BMP3: variants seen among roughly 807,000 people sequenced by gnomAD.
BMP3 encodes the protein bone morphogenetic protein 3, also known as bone morphogenetic protein 3 (osteogenic).
In BMP3, 23 loss-of-function variants were observed where a neutral mutation model predicts 38.1. The observed-to-expected ratio is 0.60, with a 90% confidence interval of 0.43 to 0.86. The LOEUF is 0.86. BMP3 is among the 40% of genes least tolerant of loss of function. BMP3 has a pLI of 0.00. For synonymous variants in BMP3, 258 were observed against 225.7 expected (o/e 1.14, Z -1.28); for missense variants, 628 against 579.6 (o/e 1.08, Z -0.86).
At position 81,046,442 on chromosome 4, in the gene BMP3, G is replaced by C; in HGVS notation, c.1021G>C (p.Gly341Arg). The part of the protein sequence containing the change: ...KSKNKKKQRK[G>R]PHRKSQTLQF... ...TAAGAATAAAAAGAAACAGAGAAAG[G>C]GGCCTCATCGGAAGAGCCAGACGCT... is the stretch of plus-strand genomic sequence containing the variant. Residue 341 changes from glycine (G) to arginine (R), a missense_variant, in exon 2 of 3, where the codon GGG (glycine) becomes CGG (arginine). Gly to Arg is a moderately radical substitution (Grantham distance 125, BLOSUM62 -2). Coordinates refer to ENST00000282701, the MANE Select transcript of BMP3 (RefSeq NM_001201.5). The C allele has an allele frequency of 6.2e-7, 1 of 1,613,840 alleles. No homozygotes were observed. The highest frequency in any genetic ancestry group is 8.5e-7 in the Non-Finnish European group (1 of 1,179,954).
chr4:81,052,667 C>G (rs1181297963), intron 2 of BMP3, among the ~76,000 whole-genome samples: 1 of 152,066 alleles, frequency 6.6e-6, no homozygotes, highest in Non-Finnish European at 1.5e-5. Context: ...CCCCAGTGGC[C>G]AATGGTGTGG....
At chr4:81,043,474 AT>A (rs1352412299) in intron 1 of BMP3, among the ~76,000 whole-genome samples, 6 of 151,742 alleles carry the variant, frequency 4.0e-5, no homozygotes, top group Non-Finnish European at 8.8e-5. Flanking sequence ...CCACAACAGC[AT>A]TCTTTTTTTT....
chr4:81,047,453 C>G (rs574160976), intron 2 of BMP3, among the ~76,000 whole-genome samples: 1 of 152,000 alleles, frequency 6.6e-6, no homozygotes, highest in African/African-American at 2.4e-5. Flanking sequence ...AAGTAGTACC[C>G]TCTATAGTAA....
At chr4:81,045,633 T>A in intron 1 of BMP3, 105 bp from the exon 2 acceptor site, 1 of 993,924 alleles carries the variant, frequency 1.0e-6, no homozygotes. Context: ...ATTTCATGGA[T>A]TTAGTTCTTA....
chr4:81,048,101 TAAACCC>T (rs1740307800), intron 2 of BMP3, among the ~76,000 whole-genome samples: 1 of 152,184 alleles, frequency 6.6e-6, no homozygotes, highest in African/African-American at 2.4e-5. Flanking sequence ...TTATGTTTCA[TAAACCC>T]AAACACAAAG....
chr4:81,045,749 AG>A lies in BMP3; in HGVS notation c.329del (p.Arg110LysfsTer9). On this transcript the variant is annotated frameshift_variant, in exon 2 of 3. Transcript: ENST00000282701. LOFTEE classifies it high-confidence loss of function. ...FRAAAAETLE[R>X]KGLYIFNLTS... Reference sequence around the variant, plus strand: ...TTTTTCCTTCCTAGAAACTCTTGAAAGAAAAGGACTGTATATCTTCAATCTG... The same window carrying A: ...TTTTTCCTTCCTAGAAACTCTTGAAAAAAAGGACTGTATATCTTCAATCTG... 6.3e-7 allele frequency: 1 copy of A among 1,583,230 alleles called. No homozygotes were observed. Among genetic ancestry groups the A allele is most frequent in the Non-Finnish European group, 8.6e-7 (1 of 1,167,264 alleles).
chr4:81,044,814 C>A (rs1740186491), intron 1 of BMP3, among the ~76,000 whole-genome samples: 1 of 152,160 alleles, frequency 6.6e-6, no homozygotes, highest in Non-Finnish European at 1.5e-5. Flanking sequence ...CATTCTTTTT[C>A]ATGGAAGAAT....
At chr4:81,049,724 TAATA>T (rs1216903172) in intron 2 of BMP3, among the ~76,000 whole-genome samples, 2 of 152,148 alleles carry the variant, frequency 1.3e-5, no homozygotes, top group East Asian at 3.8e-4. Context: ...TAGGGGTAAT[TAATA>T]AACATCCCTG....
chr4:81,045,603 C>A, intron 1 of BMP3, 135 bp from the exon 2 acceptor site: 1 of 651,562 alleles, frequency 1.5e-6, no homozygotes. Flanking sequence ...GAAGATTTAC[C>A]CCTAGGTTTC....
At chr4:81,049,086 C>A (rs1161426187) in intron 2 of BMP3, among the ~76,000 whole-genome samples, 1 of 152,100 alleles carries the variant, frequency 6.6e-6, no homozygotes, top group East Asian at 1.9e-4. Context: ...ATAATAGTTT[C>A]TATATAACAA....
rs1159331772 is a variant in BMP3 at position 81,046,322 on chromosome 4, G to A, written c.901G>A (p.Glu301Lys). ...GGTCTTGCTGCCTCTGCAGAACAACGAGCTTCCTGGGGCAGAATACCAGTA... is the reference window on the plus strand; with the variant it reads ...GGTCTTGCTGCCTCTGCAGAACAACAAGCTTCCTGGGGCAGAATACCAGTA... ...TGVLLPLQNN[E>K]LPGAEYQYKK... Residue 301 changes from glutamate to lysine, a missense_variant, in exon 2 of 3, where the codon GAG (glutamate) becomes AAG (lysine). Coordinates refer to ENST00000282701, the MANE Select transcript of BMP3 (RefSeq NM_001201.5). The A allele has an allele frequency of 7.4e-6, 12 of 1,613,902 alleles. No individual in the cohort carries two copies. Among genetic ancestry groups the A allele is most frequent in the East Asian group, 2.2e-5 (1 of 44,876 alleles).
At chr4:81,042,761 G>A (rs1740114050) in intron 1 of BMP3, among the ~76,000 whole-genome samples, 1 of 152,214 alleles carries the variant, frequency 6.6e-6, no homozygotes, top group African/African-American at 2.4e-5. Flanking sequence ...CTGCCAGCAT[G>A]TTTGTTTGGC....
At chr4:81,038,430 C>A (rs1739979303) in intron 1 of BMP3, among the ~76,000 whole-genome samples, 1 of 152,138 alleles carries the variant, frequency 6.6e-6, no homozygotes, top group Non-Finnish European at 1.5e-5. Flanking sequence ...AGTTGACACT[C>A]ACTAAATACT....
In BMP3 at chr4:81,030,735, G is replaced by A. The variant is rs1739717829; in HGVS notation, c.-550G>A. 6.6e-6 allele frequency among the ~76,000 whole-genome samples: 1 copy of A among 151,022 alleles called. No individual in the cohort carries two copies. Among genetic ancestry groups the A allele is most frequent in the Non-Finnish European group, 1.5e-5 (1 of 67,744 alleles). On this transcript the variant is annotated 5_prime_UTR_variant, in exon 1 of 3. Coordinates refer to ENST00000282701, the MANE Select transcript of BMP3 (RefSeq NM_001201.5). ...CTCTCTCTCATACACACACACACAC[G>A]CACACACGCGCGCGCGCGCGCGCAC...
chr4:81,040,609 C>A (rs2109905534), intron 1 of BMP3, among the ~76,000 whole-genome samples: 1 of 152,176 alleles, frequency 6.6e-6, no homozygotes, highest in South Asian at 2.1e-4. Context: ...TTTTTTCTCC[C>A]TCCAGGCAAT....
chr4:81,046,541 T>C lies in BMP3; in HGVS notation c.1120T>C (p.Tyr374His), dbSNP rs1220992308. 7 of 1,614,002 alleles carry C rather than the reference T, an allele frequency of 4.3e-6. No homozygotes were observed. The South Asian group carries it at 7.7e-5, about 18-fold the overall frequency. Residue 374 changes from tyrosine to histidine, a missense_variant, in exon 2 of 3, where the codon TAC (tyrosine) becomes CAC (histidine). Transcript: ENST00000282701. ...WIEPRNCARR[Y>H]LKVDFADIGW... Reference sequence around the variant, plus strand: ...TGAACCTCGGAATTGCGCCAGGAGATACCTCAAGGTAGACTTTGCAGATAT... The same window carrying C: ...TGAACCTCGGAATTGCGCCAGGAGACACCTCAAGGTAGACTTTGCAGATAT...
Position 81,053,440 on chromosome 4 carries a change from G to T in BMP3, c.1323G>T (p.Lys441Asn). 6.2e-7 allele frequency: 1 copy of T among 1,611,380 alleles called. No homozygotes were observed. Among genetic ancestry groups the T allele is most frequent in the Non-Finnish European group, 8.5e-7 (1 of 1,178,634 alleles). ...GIPEPCCVPE[K>N]MSSLSILFFD... ...CTGAGCCTTGCTGTGTACCAGAAAA[G>T]ATGTCCTCACTCAGTATTTTATTCT... Residue 441 changes from lysine to asparagine, a missense_variant, in exon 3 of 3, where the codon AAG (lysine) becomes AAT (asparagine). Coordinates refer to ENST00000282701, the MANE Select transcript of BMP3 (RefSeq NM_001201.5).
chr4:81,030,728 C>T lies in BMP3; in HGVS notation c.-557C>T, dbSNP rs1169263275. 6.6e-6 allele frequency among the ~76,000 whole-genome samples: 1 copy of T among 151,888 alleles called. No homozygotes were observed. The highest frequency in any genetic ancestry group is 2.4e-5 in the African/African-American group (1 of 41,350). ...TAAGTCTCTCTCTCTCATACACACA[C>T]ACACACGCACACACGCGCGCGCGCG... is the stretch of plus-strand genomic sequence containing the variant. On this transcript the variant is annotated 5_prime_UTR_variant, in exon 1 of 3. Transcript: ENST00000282701.
chr4:81,053,291 G>T, intron 2 of BMP3, 54 bp from the exon 3 acceptor site: 1 of 1,337,058 alleles, frequency 7.5e-7, no homozygotes, highest in Non-Finnish European at 1.0e-6. Context: ...GGACTGAGGA[G>T]TGGAAACGCA....
Sources: gnomAD v4.1 joint callset for allele counts (sites outside exome capture counted in the v4.1 genomes callset) on GRCh38, gnomAD v4.1.1 for gene constraint, MANE v1.5 for transcripts, NCBI Gene and HGNC (gene_info 2026-07-23, HGNC 2026-07-21) for gene names.